Variants in FHIT observed in about 807,000 individuals in gnomAD.
FHIT encodes the protein bis(5'-adenosyl)-triphosphatase.
In FHIT, 19 loss-of-function variants were observed where a neutral mutation model predicts 17.9. The ratio of observed to expected loss-of-function variants is 1.06; its 90% CI spans 0.74 to 1.56. The LOEUF (loss-of-function observed/expected upper bound fraction) is 1.56. FHIT is among the 40% of genes most tolerant of loss of function. FHIT has a pLI of 0.00. For synonymous variants in FHIT, 81 were observed against 69.7 expected (o/e 1.16, Z -0.81); for missense variants, 248 against 189.2 (o/e 1.31, Z -1.82).
intron 4 of FHIT, among the ~76,000 whole-genome samples, chr3:60,789,731 T>A (rs782679880): frequency 1.3e-5 from 2 of 152,130 alleles, no homozygotes; most frequent in Non-Finnish European, 2.9e-5. Flanking sequence ...TTAGATCTGT[T>A]GGTTGAGGAT....
At chr3:60,710,160 AG>A (rs2041483901) in intron 4 of FHIT, among the ~76,000 whole-genome samples, 2 of 152,160 alleles carry the variant, frequency 1.3e-5, no homozygotes, top group Non-Finnish European at 2.9e-5. Context: ...TCTTAGAAAA[AG>A]TTGACTTTTT....
chr3:59,983,969 T>C (rs1379091122), intron 7 of FHIT, among the ~76,000 whole-genome samples: 13 of 152,224 alleles, frequency 8.5e-5, no homozygotes, highest in Non-Finnish European at 1.5e-5. Context: ...AAAGAACATA[T>C]ATTTACGAAT....
intron 3 of FHIT, among the ~76,000 whole-genome samples, chr3:60,932,533 C>T (rs1708009959): frequency 6.6e-6 from 1 of 152,160 alleles, no homozygotes; most frequent in South Asian, 2.1e-4. Flanking sequence ...CTCTCCTCCC[C>T]TCACACTGCA....
intron 2 of FHIT, among the ~76,000 whole-genome samples, chr3:61,138,747 G>C (rs1472104938): frequency 2.6e-5 from 4 of 152,158 alleles, no homozygotes; most frequent in Non-Finnish European, 5.9e-5. Context: ...CTGCTAGTTA[G>C]GTAGATTTAT....
At position 59,785,105 on chromosome 3, in the gene FHIT, A is replaced by G. The variant is rs149373961; in HGVS notation, c.349-32784T>C. On this transcript the variant is annotated intron_variant, in intron 8 of 9. Coordinates refer to ENST00000492590, the MANE Select transcript of FHIT (RefSeq NM_002012.4). The stretch of plus-strand genomic sequence containing the variant: ...CAACCAGATCTCATGAGAACTCACT[A>G]TCACGAGGATGGCATCAAGGGGATT... Among the ~76,000 whole-genome samples, 387 of 152,150 alleles carry G rather than the reference A, an allele frequency of 2.5e-3. 3 individuals carry two copies. Among genetic ancestry groups the G allele is most frequent in the Admixed American group, 7.1e-3 (109 of 15,278 alleles).
chr3:60,518,424 T>C (rs767900711), intron 5 of FHIT, among the ~76,000 whole-genome samples: 10 of 152,354 alleles, frequency 6.6e-5, no homozygotes, highest in Middle Eastern at 3.4e-3. Flanking sequence ...GTGAGATATG[T>C]AAAATCTATC....
At chr3:60,709,349 T>G (rs1021563672) in intron 4 of FHIT, among the ~76,000 whole-genome samples, 1 of 152,200 alleles carries the variant, frequency 6.6e-6, no homozygotes, top group African/African-American at 2.4e-5. Flanking sequence ...GATATATTAT[T>G]AGGGTTGAAG....
At chr3:60,708,156 A>G (rs538196637) in intron 4 of FHIT, among the ~76,000 whole-genome samples, 1 of 152,190 alleles carries the variant, frequency 6.6e-6, no homozygotes, top group Non-Finnish European at 1.5e-5. Context: ...TTATCCTAGT[A>G]ATTATGGAAT....
chr3:60,461,602 C>A (rs538954927), intron 5 of FHIT, among the ~76,000 whole-genome samples: 60 of 152,312 alleles, frequency 3.9e-4, no homozygotes, highest in Non-Finnish European at 5.1e-4. Flanking sequence ...CCTGACATCA[C>A]CACTTGAAAT....
chr3:60,390,895 A>G (rs1209696409), intron 5 of FHIT, among the ~76,000 whole-genome samples: 1 of 152,178 alleles, frequency 6.6e-6, no homozygotes, highest in Non-Finnish European at 1.5e-5. Flanking sequence ...AAAAGCTACA[A>G]TAAGCTGGGC....
At chr3:60,309,802 T>A (rs75303898) in intron 5 of FHIT, among the ~76,000 whole-genome samples, 3,140 of 152,232 alleles carry the variant, frequency 0.021, 47 homozygotes, top group Non-Finnish European at 0.03. Flanking sequence ...TGGGGATACA[T>A]CCTCGCAGCT....
At position 59,946,040 on chromosome 3, in the gene FHIT, T is replaced by C. The variant is rs184271365; in HGVS notation, c.280-23626A>G. Reference sequence around the variant, plus strand: ...TTTAGATTCCATATGAATTTTAGAATAAATTTTTCTAATTCTGTGAGAAGT... The same window carrying C: ...TTTAGATTCCATATGAATTTTAGAACAAATTTTTCTAATTCTGTGAGAAGT... On this transcript the variant is annotated intron_variant, in intron 7 of 9. Transcript: ENST00000492590. Among the ~76,000 whole-genome samples, 8 of 152,332 alleles carry C rather than the reference T, an allele frequency of 5.3e-5. No homozygotes were observed. The East Asian group carries it at 1.3e-3, about 26-fold the overall frequency.
chr3:60,409,049 C>T, intron 5 of FHIT, among the ~76,000 whole-genome samples: 1 of 152,130 alleles, frequency 6.6e-6, no homozygotes, highest in East Asian at 1.9e-4. Context: ...CTGCAAGTTC[C>T]TTACTATTTA....
intron 3 of FHIT, among the ~76,000 whole-genome samples, chr3:60,952,120 T>C (rs1478802785): frequency 6.6e-6 from 1 of 150,826 alleles, no homozygotes; most frequent in Non-Finnish European, 1.5e-5. Context: ...GCTGAGATCA[T>C]GCCATTGCAC....
At chr3:60,408,166 G>A (rs1175030075) in intron 5 of FHIT, among the ~76,000 whole-genome samples, 1 of 152,140 alleles carries the variant, frequency 6.6e-6, no homozygotes, top group Non-Finnish European at 1.5e-5. Flanking sequence ...TCTTTTCAAG[G>A]AAGCTGCCTG....
At chr3:60,952,179 C>CCCCA (rs1491234247) in intron 3 of FHIT, among the ~76,000 whole-genome samples, 2 of 103,284 alleles carry the variant, frequency 1.9e-5, no homozygotes, top group Non-Finnish European at 4.3e-5. Context: ...ACCCCCCCCC[C>CCCCA]AAAAAAAAAA....
intron 8 of FHIT, among the ~76,000 whole-genome samples, chr3:59,865,582 G>A (rs1702608049): frequency 6.6e-6 from 1 of 152,250 alleles, no homozygotes; most frequent in Non-Finnish European, 1.5e-5. Flanking sequence ...CTAGGTCAGA[G>A]CCTCTGCAGG....
chr3:60,896,089 T>C (rs1459267630), intron 3 of FHIT, among the ~76,000 whole-genome samples: 1 of 152,046 alleles, frequency 6.6e-6, no homozygotes, highest in African/African-American at 2.4e-5. Flanking sequence ...TTAACCCTAT[T>C]GTGAACTGCG....
chr3:60,116,778 A>G (rs886648231), intron 5 of FHIT, among the ~76,000 whole-genome samples: 3 of 152,266 alleles, frequency 2.0e-5, no homozygotes, highest in Non-Finnish European at 4.4e-5. Context: ...CCATGACGCA[A>G]ATGACTTTCT....
Sources: allele counts gnomAD v4.1 joint callset (sites outside exome capture counted in the v4.1 genomes callset), GRCh38; gene constraint gnomAD v4.1.1; transcripts MANE v1.5; gene names NCBI Gene and HGNC (gene_info 2026-07-23, HGNC 2026-07-21).